The following TENM2 variants were observed in gnomAD, a reference collection of about 807,000 sequenced individuals.
TENM2 encodes the protein teneurin-2.
In TENM2, 52 loss-of-function variants were observed where a neutral mutation model predicts 245.2. The ratio of observed to expected loss-of-function variants is 0.21; its 90% CI spans 0.17 to 0.27. TENM2 has a LOEUF of 0.27. TENM2 is among the 10% of genes least tolerant of loss of function. The pLI, the probability that TENM2 is intolerant of heterozygous loss-of-function variation, is 1.00. For missense variants in TENM2, 3,046 were observed against 3,666.8 expected (o/e 0.83, Z 4.37); for synonymous variants, 1,363 against 1,438.9 (o/e 0.95, Z 1.19).
chr5:167,446,268 A>G (rs1765201702), intron 2 of TENM2, among the ~76,000 whole-genome samples: 1 of 152,048 alleles, frequency 6.6e-6, no homozygotes, highest in African/African-American at 2.4e-5. Context: ...TCTCTCACCT[A>G]TTGATGAGAT....
the TENM2 span, among the ~76,000 whole-genome samples, chr5:167,037,092 G>T: frequency 3.9e-5 from 6 of 152,140 alleles, no homozygotes; most frequent in Non-Finnish European, 8.8e-5. Flanking sequence ...TCTGAATTTG[G>T]CTTGGAAACC....
intron 2 of TENM2, among the ~76,000 whole-genome samples, chr5:167,779,003 G>C (rs1020568693): frequency 6.6e-6 from 1 of 152,202 alleles, no homozygotes; most frequent in African/African-American, 2.4e-5. Flanking sequence ...CTGTCACCCA[G>C]AGTTCAGAGT....
chr5:168,033,513 C>T (rs768911736), intron 5 of TENM2, among the ~76,000 whole-genome samples: 32 of 152,060 alleles, frequency 2.1e-4, no homozygotes, highest in Admixed American at 1.7e-3. Flanking sequence ...TCAGTAGACA[C>T]TGTTTATGAC....
At chr5:167,960,252 C>A (rs866336574) in intron 4 of TENM2, among the ~76,000 whole-genome samples, 1 of 152,230 alleles carries the variant, frequency 6.6e-6, no homozygotes, top group Non-Finnish European at 1.5e-5. Context: ...CTCTTCAGAG[C>A]CGGCAGGGTG....
intron 6 of TENM2, among the ~76,000 whole-genome samples, chr5:168,049,353 A>G (rs1162376353): frequency 6.6e-6 from 1 of 152,246 alleles, no homozygotes; most frequent in East Asian, 1.9e-4. Flanking sequence ...TCATCCCTTC[A>G]GAAGAATGCA....
At chr5:167,554,965 T>C (rs1773171117) in intron 2 of TENM2, among the ~76,000 whole-genome samples, 2 of 152,088 alleles carry the variant, frequency 1.3e-5, no homozygotes, top group Non-Finnish European at 2.9e-5. Flanking sequence ...CCTTATAAAT[T>C]AATTTTTTTT....
chr5:167,557,891 A>G (rs2127634662), intron 2 of TENM2, among the ~76,000 whole-genome samples: 1 of 152,370 alleles, frequency 6.6e-6, no homozygotes, highest in Non-Finnish European at 1.5e-5. Context: ...GAAGTAGGAA[A>G]TGTTTACATT....
the TENM2 span, among the ~76,000 whole-genome samples, chr5:167,270,663 G>A: frequency 2.0e-5 from 3 of 152,088 alleles, no homozygotes; most frequent in Non-Finnish European, 2.9e-5. Context: ...AACTTCCTGA[G>A]GCAACTGCAT....
chr5:167,185,787 C>T, the TENM2 span, among the ~76,000 whole-genome samples: 6 of 152,000 alleles, frequency 3.9e-5, no homozygotes, highest in South Asian at 4.1e-4. Flanking sequence ...GCTCCTTTCA[C>T]GGCCCTCAGA....
At chr5:167,419,669 T>A (rs1236408384) in intron 2 of TENM2, among the ~76,000 whole-genome samples, 1 of 152,196 alleles carries the variant, frequency 6.6e-6, no homozygotes, top group Non-Finnish European at 1.5e-5. Context: ...AGTGCATCCA[T>A]TCTAGAGTCA....
chr5:168,207,394 C>T (rs1762438732), intron 19 of TENM2, among the ~76,000 whole-genome samples: 1 of 152,176 alleles, frequency 6.6e-6, no homozygotes, highest in South Asian at 2.1e-4. Flanking sequence ...ACAAGTCACG[C>T]CATGCCCACG....
chr5:168,157,816 T>G (rs1259132800), intron 12 of TENM2, among the ~76,000 whole-genome samples: 1 of 152,184 alleles, frequency 6.6e-6, no homozygotes, highest in East Asian at 1.9e-4. Context: ...GATGGCTATG[T>G]TGAGACGCAA....
chr5:168,256,266 G>A lies in TENM2; in HGVS notation c.7433-4017G>A, dbSNP rs1161874964. The stretch of plus-strand genomic sequence containing the variant: ...TATGTATATATATTTTTAGCAACAG[G>A]TGGCCATGAATATTCAAAGTTGAGA... On this transcript the variant is annotated intron_variant, in intron 27 of 28. Coordinates refer to ENST00000518659, the Ensembl canonical transcript of TENM2. 2.0e-5 allele frequency among the ~76,000 whole-genome samples: 3 copies of A among 151,406 alleles called. No individual in the cohort carries two copies. In the East Asian group the frequency reaches 5.8e-4, roughly 29 times the overall value.
chr5:167,333,546 T>C (rs1757580528), intron 1 of TENM2, among the ~76,000 whole-genome samples: 1 of 152,186 alleles, frequency 6.6e-6, no homozygotes, highest in Non-Finnish European at 1.5e-5. Context: ...AAAGAAATTA[T>C]ATGTCCTTGG....
At chr5:168,052,406 CCA>C (rs751687373) in intron 6 of TENM2, among the ~76,000 whole-genome samples, 1 of 149,428 alleles carries the variant, frequency 6.7e-6, no homozygotes, top group Non-Finnish European at 1.5e-5. Flanking sequence ...ATACACACAC[CCA>C]CACACACACA....
At chr5:167,257,977 A>G in the TENM2 span, among the ~76,000 whole-genome samples, 6 of 151,954 alleles carry the variant, frequency 3.9e-5, no homozygotes, top group Non-Finnish European at 7.4e-5. Context: ...AAAGTTAATG[A>G]AATCATGAAG....
the TENM2 span, among the ~76,000 whole-genome samples, chr5:167,180,157 GAGTGCAATGGCATGATATCT>G: frequency 2.9e-4 from 42 of 145,666 alleles, 1 homozygote; most frequent in East Asian, 7.7e-3. Context: ...GCCCAGGGTG[GAGTGCAATGGCATGATATCT>G]AGGCTCACCA....
At chr5:167,188,760 T>C in the TENM2 span, among the ~76,000 whole-genome samples, 1 of 152,164 alleles carries the variant, frequency 6.6e-6, no homozygotes. Flanking sequence ...CTGCGAACAT[T>C]GTTTCTTAGC....
the TENM2 span, among the ~76,000 whole-genome samples, chr5:167,045,545 C>T: frequency 6.6e-6 from 1 of 152,180 alleles, no homozygotes; most frequent in Admixed American, 6.5e-5. Context: ...TGGCACCTTC[C>T]TCAGCTAGTC....
Sources: allele counts gnomAD v4.1 joint callset (sites outside exome capture counted in the v4.1 genomes callset), GRCh38; gene constraint gnomAD v4.1.1; transcripts MANE v1.5; gene names NCBI Gene and HGNC (gene_info 2026-07-23, HGNC 2026-07-21).